GFRA3: variants seen among roughly 807,000 people sequenced by gnomAD.
The protein encoded by GFRA3 is GDNF family receptor alpha-3.
GFRA3 carries 24 observed loss-of-function variants against 40.0 expected under a neutral mutation model. The observed-to-expected ratio is 0.60, with a 90% confidence interval of 0.43 to 0.84. The LOEUF (loss-of-function observed/expected upper bound fraction) is 0.84, where lower values mean the gene tolerates loss of function less well. Ranked by LOEUF, GFRA3 falls within the 40% of genes least tolerant of loss-of-function variation. GFRA3 has a pLI of 0.00. For missense variants in GFRA3, 405 were observed against 530.6 expected (o/e 0.76, Z 2.33); for synonymous variants, 203 against 213.5 (o/e 0.95, Z 0.43).
chr5:138,273,492 T>C (rs1755905460), intron 1 of GFRA3, among the ~76,000 whole-genome samples: 1 of 152,222 alleles, frequency 6.6e-6, no homozygotes, highest in African/African-American at 2.4e-5. Context: ...GACTTACTGA[T>C]GTTGGCAGGT....
At chr5:138,262,134 C>T (rs1314595333) in intron 2 of GFRA3, among the ~76,000 whole-genome samples, 1 of 151,804 alleles carries the variant, frequency 6.6e-6, no homozygotes, top group Non-Finnish European at 1.5e-5. Context: ...GAGACTGTGA[C>T]TATTTGAGAC....
At chr5:138,268,632 C>T (rs977242446) in intron 1 of GFRA3, among the ~76,000 whole-genome samples, 2 of 151,866 alleles carry the variant, frequency 1.3e-5, no homozygotes, top group African/African-American at 4.8e-5. Flanking sequence ...GGCTCATGCC[C>T]GTAATTGCAG....
intron 5 of GFRA3, 77 bp from the exon 6 acceptor site, chr5:138,253,977 A>T: frequency 6.3e-7 from 1 of 1,578,444 alleles, no homozygotes; most frequent in Non-Finnish European, 8.7e-7. Flanking sequence ...CCATGTCAGG[A>T]TCACATCCTT....
At chr5:138,268,576 T>C (rs1755821588) in intron 1 of GFRA3, among the ~76,000 whole-genome samples, 1 of 151,576 alleles carries the variant, frequency 6.6e-6, no homozygotes, top group African/African-American at 2.4e-5. Context: ...TACAACAAAT[T>C]CAAACAAATC....
At chr5:138,262,244 A>G (rs1755721060) in intron 2 of GFRA3, among the ~76,000 whole-genome samples, 1 of 152,294 alleles carries the variant, frequency 6.6e-6, no homozygotes, top group East Asian at 1.9e-4. Context: ...AATGTGGCCA[A>G]AGAGAAAACT....
intron 2 of GFRA3, among the ~76,000 whole-genome samples, chr5:138,260,713 G>A (rs866221856): frequency 1.3e-5 from 2 of 151,918 alleles, no homozygotes; most frequent in Non-Finnish European, 2.9e-5. Flanking sequence ...AGGCTGCAGT[G>A]AGCCAAGATC....
Position 138,274,503 on chromosome 5 carries a change from A to G in GFRA3, c.-79T>C, listed in dbSNP as rs1755923232. Reference sequence around the variant, plus strand: ...TGAGAGCGGGGCTCCCTCGACCGGCACCTCCCGCCCCCGCCTCCCGCCCTC... The same window carrying G: ...TGAGAGCGGGGCTCCCTCGACCGGCGCCTCCCGCCCCCGCCTCCCGCCCTC... On this transcript the variant is annotated 5_prime_UTR_variant, in exon 1 of 8. Coordinates refer to ENST00000274721, the MANE Select transcript of GFRA3 (RefSeq NM_001496.4). 8.1e-7 allele frequency: 1 copy of G among 1,238,744 alleles called. No homozygotes were observed. The highest frequency in any genetic ancestry group is 1.0e-6 in the Non-Finnish European group (1 of 990,716). 76.7% of individuals were successfully genotyped at this position (1,238,744 alleles called of 1,614,324 possible). A position where few individuals can be genotyped will look rare whatever the true frequency, so the allele number is the denominator to read the frequency against.
intron 3 of GFRA3, 28 bp from the exon 4 acceptor site, chr5:138,257,979 G>C (rs760670544): frequency 6.3e-7 from 1 of 1,598,600 alleles, no homozygotes; most frequent in South Asian, 1.1e-5. Context: ...GGAGTCAGTC[G>C]GCTGGGCCCT....
At chr5:138,264,079 G>A (rs1755747331) in intron 2 of GFRA3, among the ~76,000 whole-genome samples, 182 bp downstream of exon 2, 1 of 152,122 alleles carries the variant, frequency 6.6e-6, no homozygotes, top group Admixed American at 6.6e-5. Flanking sequence ...AGAAGAGAGG[G>A]CAGTGTTATG....
At chr5:138,264,921 T>C (rs1209879925) in intron 1 of GFRA3, among the ~76,000 whole-genome samples, 1 of 151,268 alleles carries the variant, frequency 6.6e-6, no homozygotes, top group Non-Finnish European at 1.5e-5. Flanking sequence ...AACCAGAGAG[T>C]TGAGAATGGA....
chr5:138,269,115 C>T, intron 1 of GFRA3, among the ~76,000 whole-genome samples: 1 of 151,982 alleles, frequency 6.6e-6, no homozygotes, highest in Admixed American at 6.6e-5. Context: ...TCAAGAATGG[C>T]CATAATCAAA....
At position 138,268,055 on chromosome 5, in the gene GFRA3, C is replaced by A. The variant is rs958869294; in HGVS notation, c.92-3507G>T. Among the ~76,000 whole-genome samples, 4 of 151,936 alleles carry A rather than the reference C, an allele frequency of 2.6e-5. No homozygotes were observed. In the East Asian group the frequency reaches 7.8e-4, roughly 29 times the overall value. On this transcript the variant is annotated intron_variant, in intron 1 of 7. Coordinates refer to ENST00000274721, the MANE Select transcript of GFRA3 (RefSeq NM_001496.4). ...ATCTCAGCACTTTGGGAGGCCAAGGCGGGTGGATTACCTGAGGTCAGGAGT... is the reference window on the plus strand; with the variant it reads ...ATCTCAGCACTTTGGGAGGCCAAGGAGGGTGGATTACCTGAGGTCAGGAGT...
intron 2 of GFRA3, 84 bp from the exon 3 acceptor site, chr5:138,259,733 A>C (rs1370210603): frequency 2.6e-6 from 2 of 774,412 alleles, no homozygotes; most frequent in Admixed American, 3.5e-5. Context: ...CTCAGACCTC[A>C]AAGGCCTGTG....
At chr5:138,256,135 G>C (rs1020945203) in intron 4 of GFRA3, among the ~76,000 whole-genome samples, 16 of 151,542 alleles carry the variant, frequency 1.1e-4, no homozygotes, top group African/African-American at 3.2e-4. Flanking sequence ...GGAGGCTGAG[G>C]GGGGAGTATC....
intron 1 of GFRA3, among the ~76,000 whole-genome samples, chr5:138,266,214 G>A (rs1755780382): frequency 6.6e-6 from 1 of 152,052 alleles, no homozygotes; most frequent in African/African-American, 2.4e-5. Flanking sequence ...GGGTCATACG[G>A]TAATTCTATG....
chr5:138,254,567 G>A (rs569833657), intron 4 of GFRA3, among the ~76,000 whole-genome samples: 10 of 152,084 alleles, frequency 6.6e-5, no homozygotes, highest in Non-Finnish European at 1.0e-4. Flanking sequence ...GCCCATTGTC[G>A]TGCCAAATCC....
chr5:138,264,948 G>A (rs1284262985), intron 1 of GFRA3, among the ~76,000 whole-genome samples: 1 of 152,106 alleles, frequency 6.6e-6, no homozygotes, highest in Non-Finnish European at 1.5e-5. Flanking sequence ...AGTGCTAAAT[G>A]GGAGTCAGCA....
rs1157294202 is a variant in GFRA3, at chr5:138,257,818, A to G, written c.606T>C (p.Thr202=). Residue 202 remains threonine, a synonymous_variant, in exon 4 of 8, where the codon ACT becomes ACC. Coordinates refer to ENST00000274721, the MANE Select transcript of GFRA3 (RefSeq NM_001496.4). ...GGGGCTCGGCGGCCTTCTCGAAGAAAGTGAGCAGCTGCCTGAGGCAGACGT... is the reference window on the plus strand; with the variant it reads ...GGGGCTCGGCGGCCTTCTCGAAGAAGGTGAGCAGCTGCCTGAGGCAGACGT... ...QRHVCLRQLL[T]FFEKAAEPHA... The G allele has an allele frequency of 1.2e-6, 2 of 1,613,676 alleles. No individual in the cohort carries two copies. Among genetic ancestry groups the G allele is most frequent in the East Asian group, 2.2e-5 (1 of 44,880 alleles).
chr5:138,256,363 C>T (rs1166338298), intron 4 of GFRA3, among the ~76,000 whole-genome samples: 1 of 150,864 alleles, frequency 6.6e-6, no homozygotes, highest in African/African-American at 2.4e-5. Flanking sequence ...CCCGTCTCTA[C>T]TAAAAATACA....
Sources: gnomAD v4.1 joint callset for allele counts (sites outside exome capture counted in the v4.1 genomes callset) on GRCh38, gnomAD v4.1.1 for gene constraint, MANE v1.5 for transcripts, NCBI Gene and HGNC (gene_info 2026-07-23, HGNC 2026-07-21) for gene names.